Variants in ARHGAP31 observed in about 807,000 individuals in gnomAD.
ARHGAP31 encodes Rho GTPase activating protein 31.
ARHGAP31 carries 34 observed loss-of-function variants against 113.9 expected under a neutral mutation model. That is an observed-to-expected ratio of 0.30 (90% CI 0.23 to 0.40). The LOEUF (loss-of-function observed/expected upper bound fraction) is 0.40, where lower values mean the gene tolerates loss of function less well. Among genes scored for constraint, ARHGAP31 ranks in the 10% least tolerant of loss-of-function variants. The pLI is 1.00. For missense variants in ARHGAP31, 1,548 were observed against 1,767.1 expected (o/e 0.88, Z 2.22); for synonymous variants, 650 against 684.8 (o/e 0.95, Z 0.79).
At chr3:119,326,955 C>T (rs528179009) in intron 1 of ARHGAP31, among the ~76,000 whole-genome samples, 18 of 152,172 alleles carry the variant, frequency 1.2e-4, no homozygotes, top group Admixed American at 9.8e-4. Context: ...CTGGGCAACA[C>T]GGTGAAACCC....
chr3:119,308,952 C>T (rs767627521), intron 1 of ARHGAP31, among the ~76,000 whole-genome samples: 5 of 152,078 alleles, frequency 3.3e-5, no homozygotes, highest in African/African-American at 7.2e-5. Flanking sequence ...GTGATCCTCC[C>T]GCCTCATCCC....
chr3:119,403,969 T>C (rs1247968017), intron 10 of ARHGAP31, among the ~76,000 whole-genome samples: 2 of 152,170 alleles, frequency 1.3e-5, no homozygotes, highest in Admixed American at 6.5e-5. Flanking sequence ...TACCTGTCCA[T>C]AGTTTGGCTC....
intron 2 of ARHGAP31, among the ~76,000 whole-genome samples, chr3:119,366,520 C>T (rs1296724916): frequency 6.6e-6 from 1 of 151,852 alleles, no homozygotes; most frequent in Non-Finnish European, 1.5e-5. Flanking sequence ...TACATAATTT[C>T]ACTAATTTAC....
intron 1 of ARHGAP31, among the ~76,000 whole-genome samples, chr3:119,323,355 T>A (rs1434043491): frequency 6.6e-6 from 1 of 152,114 alleles, no homozygotes; most frequent in African/African-American, 2.4e-5. Flanking sequence ...CGGGCCCGGA[T>A]GGGCTTCTCG....
chr3:119,343,099 T>C (rs1049809681), intron 1 of ARHGAP31, among the ~76,000 whole-genome samples: 1 of 152,222 alleles, frequency 6.6e-6, no homozygotes, highest in Non-Finnish European at 1.5e-5. Context: ...CTGATTATCA[T>C]TGACAGGTGA....
intron 1 of ARHGAP31, among the ~76,000 whole-genome samples, chr3:119,332,621 TC>T (rs2079903200): frequency 1.7e-5 from 2 of 117,208 alleles, no homozygotes; most frequent in Admixed American, 2.1e-4. Flanking sequence ...TCTCTCTCTC[TC>T]TCTCTCTCTC....
chr3:119,343,815 C>T (rs2080031433), intron 1 of ARHGAP31, among the ~76,000 whole-genome samples: 1 of 152,234 alleles, frequency 6.6e-6, no homozygotes, highest in African/African-American at 2.4e-5. Context: ...AGGGACACTC[C>T]TGTACATCTA....
chr3:119,341,620 T>C (rs1406787345), intron 1 of ARHGAP31, among the ~76,000 whole-genome samples: 1 of 152,164 alleles, frequency 6.6e-6, no homozygotes, highest in East Asian at 1.9e-4. Context: ...CTGATAACAG[T>C]ATGACTCCTA....
chr3:119,324,902 G>A (rs77063579), intron 1 of ARHGAP31: 10,406 of 456,192 alleles, frequency 0.023, 396 homozygotes, highest in African/African-American at 0.081. Flanking sequence ...GCAGATCAGC[G>A]GAATGGCTAA....
At chr3:119,386,821 C>A (rs529923651) in intron 6 of ARHGAP31, among the ~76,000 whole-genome samples, 7 of 152,218 alleles carry the variant, frequency 4.6e-5, no homozygotes, top group Non-Finnish European at 8.8e-5. Flanking sequence ...CCCTTCCCTG[C>A]CTGGCAGCTG....
At chr3:119,363,561 G>T (rs1368373665) in intron 1 of ARHGAP31, among the ~76,000 whole-genome samples, 2 of 152,200 alleles carry the variant, frequency 1.3e-5, no homozygotes, top group Non-Finnish European at 1.5e-5. Context: ...AGAGGCAGCA[G>T]AATAAGTATG....
At chr3:119,394,371 AT>A (rs2107637108) in intron 8 of ARHGAP31, among the ~76,000 whole-genome samples, 1 of 152,224 alleles carries the variant, frequency 6.6e-6, no homozygotes, top group East Asian at 1.9e-4. Context: ...CAGGGTCGTG[AT>A]TTTTAAAGAA....
chr3:119,411,362 C>T (rs781484247), intron 11 of ARHGAP31, among the ~76,000 whole-genome samples: 1 of 150,526 alleles, frequency 6.6e-6, no homozygotes, highest in Non-Finnish European at 1.5e-5. Flanking sequence ...TAGTGTGGGG[C>T]CATGGGGATA....
rs751971417 is a variant in ARHGAP31 at position 119,415,823 on chromosome 3, C to T, written c.3894C>T (p.Leu1298=). ...CAGAACCAGGCTCGTCTAACCTGCT[C>T]TCCACCCAGGATGCAGTAGTGCAAT... ...LSPEPGSSNL[L]STQDAVVQCR... is the part of the protein sequence containing the mutation. Residue 1298 remains leucine, a synonymous_variant, in exon 12 of 12, where the codon CTC becomes CTT. Coordinates refer to ENST00000264245, the MANE Select transcript of ARHGAP31 (RefSeq NM_020754.4). The T allele has an allele frequency of 5.6e-6, 9 of 1,614,144 alleles. No homozygotes were observed. The highest frequency in any genetic ancestry group is 4.0e-5 in the African/African-American group (3 of 74,948).
At chr3:119,362,562 G>A (rs1046044057) in intron 1 of ARHGAP31, among the ~76,000 whole-genome samples, 2 of 152,196 alleles carry the variant, frequency 1.3e-5, no homozygotes, top group African/African-American at 2.4e-5. Context: ...GAGATCAGGA[G>A]TTCAAGACTA....
chr3:119,366,811 C>T (rs1402018558), intron 2 of ARHGAP31, among the ~76,000 whole-genome samples: 2 of 151,814 alleles, frequency 1.3e-5, no homozygotes. Flanking sequence ...TCTTTTAAAA[C>T]ATAGCATGGG....
At chr3:119,333,115 A>G (rs1442251171) in intron 1 of ARHGAP31, among the ~76,000 whole-genome samples, 1 of 152,202 alleles carries the variant, frequency 6.6e-6, no homozygotes, top group African/African-American at 2.4e-5. Flanking sequence ...GCCCTCATCA[A>G]AGGTGCTATT....
chr3:119,393,475 T>A lies in ARHGAP31; in HGVS notation c.890T>A (p.Leu297His). The change falls in exon 8 of 12, where the codon CTC (leucine) becomes CAC (histidine). Residue 297 changes from leucine to histidine, a missense_variant. Physicochemically the swap from Leu to His is moderately conservative, Grantham distance 99. Coordinates refer to ENST00000264245, the MANE Select transcript of ARHGAP31 (RefSeq NM_020754.4). ...TGCCTTGGTTCTTTTAGGCGAAAGC[T>A]CTCCAGTAAATCAAAGAAGTGGAAA... ...VLELPDNKRK[L>H]SSKSKKWKSI... The A allele has an allele frequency of 6.2e-7, 1 of 1,614,116 alleles. No homozygotes were observed. Among genetic ancestry groups the A allele is most frequent in the Non-Finnish European group, 8.5e-7 (1 of 1,180,004 alleles).
intron 7 of ARHGAP31, among the ~76,000 whole-genome samples, chr3:119,392,183 C>A (rs2080510854): frequency 6.6e-6 from 1 of 152,222 alleles, no homozygotes; most frequent in Admixed American, 6.5e-5. Flanking sequence ...TATGATGACT[C>A]ACACCTGTAA....
Sources: allele counts gnomAD v4.1 joint callset (sites outside exome capture counted in the v4.1 genomes callset), GRCh38; gene constraint gnomAD v4.1.1; transcripts MANE v1.5; gene names NCBI Gene and HGNC (gene_info 2026-07-23, HGNC 2026-07-21).